Variants in WWOX observed in about 807,000 individuals in gnomAD.
The protein encoded by WWOX is WW domain containing oxidoreductase.
In WWOX, 69 loss-of-function variants were observed where a neutral mutation model predicts 46.2. The ratio of observed to expected loss-of-function variants is 1.49; its 90% CI spans 1.23 to 1.82. The LOEUF (loss-of-function observed/expected upper bound fraction) is 1.82, where lower values mean the gene tolerates loss of function less well. Ranked by LOEUF, WWOX falls within the 40% of genes most tolerant of loss-of-function variation. The pLI, the probability that WWOX is intolerant of heterozygous loss-of-function variation, is 0.00. For missense variants in WWOX, 919 were observed against 542.6 expected (o/e 1.69, Z -6.89); for synonymous variants, 359 against 202.6 (o/e 1.77, Z -6.56).
At chr16:79,089,788 T>A (rs2048920962) in intron 8 of WWOX, among the ~76,000 whole-genome samples, 1 of 152,136 alleles carries the variant, frequency 6.6e-6, no homozygotes, top group Non-Finnish European at 1.5e-5. Context: ...TTTGTTTCCC[T>A]TGGGAGGCTG....
chr16:79,135,695 C>G (rs1012271845), intron 8 of WWOX, among the ~76,000 whole-genome samples: 11 of 152,126 alleles, frequency 7.2e-5, no homozygotes, highest in Non-Finnish European at 2.9e-5. Context: ...ATCTAAGTGT[C>G]TGTGTAACAC....
At chr16:78,460,022 G>C (rs903417608) in intron 8 of WWOX, among the ~76,000 whole-genome samples, 3 of 148,456 alleles carry the variant, frequency 2.0e-5, no homozygotes, top group Non-Finnish European at 4.6e-5. Context: ...GTTCAGGCTA[G>C]TGTTGAACTC....
At chr16:78,313,714 G>A (rs1328510043) in intron 5 of WWOX, among the ~76,000 whole-genome samples, 1 of 152,116 alleles carries the variant, frequency 6.6e-6, no homozygotes, top group Non-Finnish European at 1.5e-5. Context: ...CTCTGTCGAT[G>A]TCCCTGCCAT....
intron 8 of WWOX, among the ~76,000 whole-genome samples, chr16:78,648,757 C>G (rs992040465): frequency 6.6e-6 from 1 of 152,150 alleles, no homozygotes; most frequent in Non-Finnish European, 1.5e-5. Context: ...AACCATAAAG[C>G]TTTCTTTCTC....
In WWOX at chr16:78,925,530, T is replaced by C. The variant is rs139896191; in HGVS notation, c.1057-286078T>C. 1.8e-3 allele frequency among the ~76,000 whole-genome samples: 270 copies of C among 152,346 alleles called. 1 individual carries two copies. The highest frequency in any genetic ancestry group is 6.1e-3 in the African/African-American group (252 of 41,580). On this transcript the variant is annotated intron_variant, in intron 8 of 8. Transcript: ENST00000566780. ...ACCAGGAACTCGCTTATGTGTGTTG[T>C]TTTCTGCTTCTTTCCACTAGGGAGC...
intron 5 of WWOX, among the ~76,000 whole-genome samples, chr16:78,323,267 C>T (rs1261047319): frequency 3.9e-5 from 6 of 152,002 alleles, no homozygotes; most frequent in East Asian, 3.9e-4. Flanking sequence ...CCACCATGCC[C>T]GGCTAATTTT....
intron 5 of WWOX, among the ~76,000 whole-genome samples, chr16:78,186,034 G>A (rs1201505126): frequency 2.0e-5 from 3 of 152,180 alleles, no homozygotes; most frequent in Non-Finnish European, 4.4e-5. Context: ...GTAGCCACTG[G>A]CCATGTGTGG....
intron 8 of WWOX, among the ~76,000 whole-genome samples, chr16:78,785,958 G>T (rs1294810994): frequency 6.6e-6 from 1 of 152,124 alleles, no homozygotes; most frequent in African/African-American, 2.4e-5. Flanking sequence ...CCAGGCTGGA[G>T]TGCAGTGGCG....
intron 8 of WWOX, among the ~76,000 whole-genome samples, chr16:78,557,367 C>G (rs1048419583): frequency 4.6e-5 from 7 of 152,178 alleles, no homozygotes; most frequent in African/African-American, 1.4e-4. Context: ...GCACCGGGCT[C>G]TTGGGAATAT....
intron 5 of WWOX, among the ~76,000 whole-genome samples, chr16:78,245,506 G>GATGAGGTGCCAT (rs2037790037): frequency 2.6e-5 from 4 of 152,206 alleles, no homozygotes; most frequent in Non-Finnish European, 5.9e-5. Context: ...CTTGAGCTTG[G>GATGAGGTGCCAT]CTTCAGAGCC....
At chr16:78,958,828 G>T (rs576707151) in intron 8 of WWOX, among the ~76,000 whole-genome samples, 1 of 152,316 alleles carries the variant, frequency 6.6e-6, no homozygotes, top group East Asian at 1.9e-4. Context: ...GGGAAGGAAG[G>T]TTATGTAATT....
intron 8 of WWOX, among the ~76,000 whole-genome samples, chr16:78,709,954 C>T (rs370502009): frequency 1.8e-4 from 28 of 152,202 alleles, no homozygotes; most frequent in African/African-American, 6.7e-4. Flanking sequence ...TGGTCTTGAA[C>T]CCCTGATCTC....
intron 8 of WWOX, among the ~76,000 whole-genome samples, chr16:79,048,185 C>A (rs1012506800): frequency 6.6e-6 from 1 of 152,110 alleles, no homozygotes; most frequent in African/African-American, 2.4e-5. Context: ...CTTCGACTTT[C>A]TATTTTTTGA....
At chr16:79,066,934 G>A (rs372342682) in intron 8 of WWOX, among the ~76,000 whole-genome samples, 2 of 151,702 alleles carry the variant, frequency 1.3e-5, no homozygotes, top group African/African-American at 2.4e-5. Context: ...TGGCAGATGG[G>A]ACTGGCTTGT....
intron 8 of WWOX, among the ~76,000 whole-genome samples, chr16:79,201,103 G>T (rs553878358): frequency 6.6e-6 from 1 of 152,186 alleles, no homozygotes; most frequent in African/African-American, 2.4e-5. Flanking sequence ...CTGAGGCTCA[G>T]TGGCTTGTCA....
intron 8 of WWOX, among the ~76,000 whole-genome samples, chr16:78,470,456 C>G (rs544648223): frequency 6.6e-6 from 1 of 152,332 alleles, no homozygotes; most frequent in African/African-American, 2.4e-5. Context: ...GCTTCCTTCC[C>G]TCTACGATTT....
chr16:78,202,867 G>A (rs1463080632), intron 5 of WWOX, among the ~76,000 whole-genome samples: 12 of 149,146 alleles, frequency 8.0e-5, no homozygotes, highest in African/African-American at 3.0e-4. Context: ...TCCTGGAATA[G>A]TTCTTGGAAC....
chr16:78,654,131 C>G (rs1414703219), intron 8 of WWOX, among the ~76,000 whole-genome samples: 1 of 152,162 alleles, frequency 6.6e-6, no homozygotes, highest in African/African-American at 2.4e-5. Context: ...AGGGTCTGGA[C>G]TCAAGATGAG....
At chr16:78,104,977 G>T (rs943095653) in intron 1 of WWOX, among the ~76,000 whole-genome samples, 10 of 152,178 alleles carry the variant, frequency 6.6e-5, no homozygotes, top group Non-Finnish European at 1.2e-4. Flanking sequence ...TTGGCAGTTG[G>T]GCTTCAGAAT....
Sources: gnomAD v4.1 joint callset for allele counts (sites outside exome capture counted in the v4.1 genomes callset) on GRCh38, gnomAD v4.1.1 for gene constraint, MANE v1.5 for transcripts, NCBI Gene and HGNC (gene_info 2026-07-23, HGNC 2026-07-21) for gene names.